SPINK9: variants seen among roughly 807,000 people sequenced by gnomAD.
SPINK9 encodes the protein serine peptidase inhibitor Kazal type 9, also known as serine protease inhibitor Kazal-type 9.
SPINK9 carries 3 observed loss-of-function variants against 10.8 expected under a neutral mutation model. That is an observed-to-expected ratio of 0.28 (90% CI 0.13 to 0.72). The LOEUF is 0.72. Among genes scored for constraint, SPINK9 ranks in the 30% least tolerant of loss-of-function variants. The probability of loss-of-function intolerance (pLI) is 0.74; values close to 1 mark genes in which losing one functional copy is unlikely to be tolerated. For missense variants in SPINK9, 101 were observed against 103.2 expected (o/e 0.98, Z 0.09); for synonymous variants, 30 against 31.2 (o/e 0.96, Z 0.12).
rs762272811 is a variant in SPINK9, at chr5:148,335,605, T to TTCAGTA, written c.-8_-3dup. 3.7e-6 allele frequency: 6 copies of TTCAGTA among 1,613,484 alleles called. No individual in the cohort carries two copies. The highest frequency in any genetic ancestry group is 5.1e-6 in the Non-Finnish European group (6 of 1,179,760). ...CCCTACATCTGACTGCCTTGGCCAC[T>TTCAGTA]TCAGTACTATGAGAGCAACAGCCAT... On this transcript the variant is annotated 5_prime_UTR_variant, in exon 1 of 4. Coordinates refer to ENST00000377906, the MANE Select transcript of SPINK9 (RefSeq NM_001040433.2).
upstream of SPINK9, among the ~76,000 whole-genome samples, chr5:148,332,550 G>A (rs781260486): frequency 5.7e-4 from 87 of 152,350 alleles, no homozygotes; most frequent in Admixed American, 1.4e-3. Flanking sequence ...TGGAAAAGTG[G>A]TGCAAAAGCA....
chr5:148,339,830 G>A lies in SPINK9; in HGVS notation c.*118G>A. 6 of 774,506 alleles carry A rather than the reference G, an allele frequency of 7.7e-6. No homozygotes were observed. Among genetic ancestry groups the A allele is most frequent in the Non-Finnish European group, 1.0e-5 (5 of 481,298 alleles). The allele number at this position is 774,506 out of a possible 1,614,324, so 48.0% of individuals were successfully genotyped here. On this transcript the variant is annotated 3_prime_UTR_variant, in exon 4 of 4. Transcript: ENST00000377906. ...ATCACCATATGTAGATTTCTTTGTA[G>A]AATAAAGCAGATATAAGGGAAATAA...
At chr5:148,339,646 G>A in intron 3 of SPINK9, 21 bp from the exon 4 acceptor site, 1 of 1,609,018 alleles carries the variant, frequency 6.2e-7, no homozygotes, top group Non-Finnish European at 8.5e-7. Flanking sequence ...TTTCTCATTT[G>A]TTGCTATATT....
intron 2 of SPINK9, among the ~76,000 whole-genome samples, chr5:148,329,755 G>T (rs1471599556): frequency 6.6e-6 from 1 of 152,024 alleles, no homozygotes; most frequent in Admixed American, 6.6e-5. Flanking sequence ...CCTTCATTTT[G>T]TTATGTACCC....
upstream of SPINK9, among the ~76,000 whole-genome samples, chr5:148,332,989 A>G (rs1392726256): frequency 1.3e-5 from 2 of 152,160 alleles, no homozygotes; most frequent in Admixed American, 6.5e-5. Flanking sequence ...CCCAAATAAT[A>G]AGTTGGTAGC....
At chr5:148,331,619 G>A (rs1757152784), upstream of SPINK9, among the ~76,000 whole-genome samples, 1 of 152,032 alleles carries the variant, frequency 6.6e-6, no homozygotes, top group Admixed American at 6.6e-5. Flanking sequence ...CTAAAAAAGT[G>A]GATTTTAAAT....
At chr5:148,338,392 G>A in intron 2 of SPINK9, 86 bp from the exon 3 acceptor site, 1 of 1,235,134 alleles carries the variant, frequency 8.1e-7, no homozygotes, top group East Asian at 2.4e-5. Context: ...TGCATTGAGA[G>A]CCCTCTGAGC....
intron 2 of SPINK9, chr5:148,323,922 C>T: frequency 3.0e-6 from 2 of 659,244 alleles, no homozygotes; most frequent in Non-Finnish European, 5.5e-6. Flanking sequence ...TCTTTCCTTA[C>T]TTATAAAATA....
chr5:148,324,457 TTAA>T (rs1185513073), intron 2 of SPINK9, among the ~76,000 whole-genome samples: 1 of 152,074 alleles, frequency 6.6e-6, no homozygotes, highest in Non-Finnish European at 1.5e-5. Context: ...GTTGACATCA[TTAA>T]TGATAGGCAA....
chr5:148,336,856 A>G (rs1363670315), intron 2 of SPINK9, among the ~76,000 whole-genome samples: 1 of 152,210 alleles, frequency 6.6e-6, no homozygotes, highest in African/African-American at 2.4e-5. Context: ...TCTGTCTTAG[A>G]AAATAAGGAC....
chr5:148,331,240 G>A (rs1402585137), upstream of SPINK9, among the ~76,000 whole-genome samples: 2 of 152,210 alleles, frequency 1.3e-5, no homozygotes, highest in African/African-American at 4.8e-5. Context: ...CACCCCTCTA[G>A]AGGAATGAAT....
upstream of SPINK9, among the ~76,000 whole-genome samples, chr5:148,334,751 A>G (rs1395755096): frequency 6.6e-6 from 1 of 152,072 alleles, no homozygotes; most frequent in African/African-American, 2.4e-5. Flanking sequence ...ACTACATGAG[A>G]GCAGTCAGTT....
chr5:148,332,627 T>C (rs891904329), upstream of SPINK9, among the ~76,000 whole-genome samples: 3 of 152,202 alleles, frequency 2.0e-5, no homozygotes, highest in African/African-American at 7.2e-5. Context: ...AAAATATCAA[T>C]GTTAAACAGG....
intron 2 of SPINK9, among the ~76,000 whole-genome samples, chr5:148,326,597 T>C (rs1309974818): frequency 1.3e-5 from 2 of 152,158 alleles, no homozygotes; most frequent in Non-Finnish European, 2.9e-5. Flanking sequence ...ATGTGCCATG[T>C]TGGTGTGCTG....
intron 1 of SPINK9, among the ~76,000 whole-genome samples, chr5:148,323,133 G>A (rs944065570): frequency 1.3e-5 from 2 of 152,050 alleles, no homozygotes; most frequent in Admixed American, 6.6e-5. Context: ...GTGAAAAATC[G>A]CTAGACAAAA....
chr5:148,330,347 C>G (rs967132658), intron 2 of SPINK9, among the ~76,000 whole-genome samples: 2 of 151,606 alleles, frequency 1.3e-5, no homozygotes, highest in Non-Finnish European at 2.9e-5. Flanking sequence ...TTTTTGTTTT[C>G]CATTTGCTTG....
At chr5:148,331,783 C>T (rs1757154834), upstream of SPINK9, among the ~76,000 whole-genome samples, 1 of 152,104 alleles carries the variant, frequency 6.6e-6, no homozygotes, top group Non-Finnish European at 1.5e-5. Context: ...AACTATATTT[C>T]AAAAAATCAA....
chr5:148,330,915 C>T (rs1427920127), upstream of SPINK9, among the ~76,000 whole-genome samples: 2 of 152,210 alleles, frequency 1.3e-5, no homozygotes, highest in Non-Finnish European at 2.9e-5. Flanking sequence ...TCCTGTTGTG[C>T]TGTTTGCTAA....
chr5:148,333,515 T>G (rs1440910645), upstream of SPINK9, among the ~76,000 whole-genome samples: 1 of 152,222 alleles, frequency 6.6e-6, no homozygotes, highest in East Asian at 1.9e-4. Context: ...TTTAATTATA[T>G]GCAAATTCAG....
Sources: allele counts gnomAD v4.1 joint callset (sites outside exome capture counted in the v4.1 genomes callset), GRCh38; gene constraint gnomAD v4.1.1; transcripts MANE v1.5; gene names NCBI Gene and HGNC (gene_info 2026-07-23, HGNC 2026-07-21).